Variants in TOX3 observed in about 807,000 individuals in gnomAD.
TOX3 encodes the protein CAG trinucleotide repeat-containing gene F9 protein.
TOX3 carries 22 observed loss-of-function variants against 64.3 expected under a neutral mutation model. The observed-to-expected ratio is 0.34, with a 90% CI of 0.24 to 0.49. The LOEUF (loss-of-function observed/expected upper bound fraction) is 0.49, where lower values mean the gene tolerates loss of function less well. Among genes scored for constraint, TOX3 ranks in the 20% least tolerant of loss-of-function variants. TOX3 has a pLI of 0.99. For synonymous variants in TOX3, 291 were observed against 273.6 expected (o/e 1.06, Z -0.63); for missense variants, 661 against 714.4 (o/e 0.93, Z 0.85).
chr16:52,529,490 A>C (rs1199233225), intron 1 of TOX3, among the ~76,000 whole-genome samples: 2 of 152,228 alleles, frequency 1.3e-5, no homozygotes, highest in Non-Finnish European at 2.9e-5. Context: ...CTACAAAGGA[A>C]GTGAGGTGAC....
chr16:52,510,692 G>T (rs1367365426), intron 1 of TOX3, among the ~76,000 whole-genome samples: 1 of 147,254 alleles, frequency 6.8e-6, no homozygotes, highest in Non-Finnish European at 1.5e-5. Flanking sequence ...GGAGGTGGAG[G>T]TTGCAGTGAG....
At chr16:52,471,919 C>T (rs750253354) in intron 1 of TOX3, among the ~76,000 whole-genome samples, 3 of 152,184 alleles carry the variant, frequency 2.0e-5, no homozygotes, top group Non-Finnish European at 4.4e-5. Context: ...GGAAGTCTAG[C>T]CTCCTCCCTA....
At chr16:52,526,687 C>A (rs1188093529) in intron 1 of TOX3, among the ~76,000 whole-genome samples, 1 of 152,104 alleles carries the variant, frequency 6.6e-6, no homozygotes, top group Non-Finnish European at 1.5e-5. Context: ...TTGGGAATTC[C>A]AGGCGTAGTA....
rs1302770392 is a variant in TOX3, at chr16:52,439,567, TTGC to T, written c.1386_1388del (p.Gln463del). On this transcript the variant is annotated inframe_deletion, in exon 7 of 7. Coordinates refer to ENST00000219746, the MANE Select transcript of TOX3 (RefSeq NM_001080430.4). ...GCTGATGCATTTGGTGCTGCTGGAG[TTGC>T]TGCTGCTGCATCTGTTGCATCTGTT... 16 of 1,545,004 alleles carry T rather than the reference TTGC, an allele frequency of 1.0e-5. 1 individual carries two copies. The Admixed American group carries it at 2.9e-4, about 28-fold the overall frequency.
chr16:52,547,186 G>A (rs1195136067), upstream of TOX3, among the ~76,000 whole-genome samples: 1 of 121,212 alleles, frequency 8.3e-6, no homozygotes, highest in African/African-American at 3.1e-5. Context: ...TCCTGCCTCA[G>A]CCGCCGGTCC....
intron 1 of TOX3, among the ~76,000 whole-genome samples, chr16:52,507,258 G>T (rs904925994): frequency 2.6e-5 from 4 of 152,142 alleles, no homozygotes; most frequent in African/African-American, 9.7e-5. Context: ...CTGTGTAAAA[G>T]AAATTATCAA....
Position 52,546,521 on chromosome 16 carries a change from G to C in TOX3, c.87+116C>G, listed in dbSNP as rs1337793347. 10 of 900,668 alleles carry C rather than the reference G, an allele frequency of 1.1e-5. No homozygotes were observed. The Admixed American group carries it at 1.8e-4, about 16-fold the overall frequency. 55.8% of individuals were successfully genotyped at this position (900,668 alleles called of 1,614,324 possible). On this transcript the variant is annotated intron_variant, in intron 1 of 6. Transcript: ENST00000219746. ...GAGACGAAGGCTCAAAGGTAGAAGAGACATGGGAGGAAAGAGGCCAAAGAA... is the reference window on the plus strand; with the variant it reads ...GAGACGAAGGCTCAAAGGTAGAAGACACATGGGAGGAAAGAGGCCAAAGAA...
At chr16:52,546,612 C>A in intron 1 of TOX3, 25 bp downstream of exon 1, 1 of 1,531,090 alleles carries the variant, frequency 6.5e-7, no homozygotes, top group Non-Finnish European at 8.8e-7. Context: ...CCCCGCCCCC[C>A]GGCCCACCGG....
At chr16:52,498,815 A>C (rs866002125) in intron 1 of TOX3, among the ~76,000 whole-genome samples, 2 of 152,350 alleles carry the variant, frequency 1.3e-5, no homozygotes, top group Middle Eastern at 3.4e-3. Flanking sequence ...AAGGCCTCCG[A>C]GTGTGCGAAC....
At chr16:52,440,039 A>G in intron 6 of TOX3, 71 bp from the exon 7 acceptor site, 2 of 1,266,438 alleles carry the variant, frequency 1.6e-6, no homozygotes, top group Non-Finnish European at 2.1e-6. Flanking sequence ...GCATTTTTAG[A>G]TATTATAAAT....
At chr16:52,447,675 CAT>C (rs1960202494) in intron 4 of TOX3, among the ~76,000 whole-genome samples, 1 of 152,144 alleles carries the variant, frequency 6.6e-6, no homozygotes, top group Non-Finnish European at 1.5e-5. Context: ...CTCTAGAGCC[CAT>C]AGTCTTTTTT....
At chr16:52,531,108 A>T (rs1360007591) in intron 1 of TOX3, among the ~76,000 whole-genome samples, 1 of 152,248 alleles carries the variant, frequency 6.6e-6, no homozygotes, top group African/African-American at 2.4e-5. Flanking sequence ...CGTTAGCCAA[A>T]GCCAGGATTG....
intron 3 of TOX3, among the ~76,000 whole-genome samples, chr16:52,456,444 C>T (rs1369492120): frequency 2.0e-5 from 3 of 152,174 alleles, no homozygotes; most frequent in Non-Finnish European, 4.4e-5. Context: ...TGCCTTCTAT[C>T]TATTGGCCTA....
intron 1 of TOX3, among the ~76,000 whole-genome samples, chr16:52,484,356 A>C (rs1167222281): frequency 6.6e-6 from 1 of 152,204 alleles, no homozygotes; most frequent in African/African-American, 2.4e-5. Flanking sequence ...ATCCAGTTTG[A>C]CAGAATTCTT....
chr16:52,547,562 G>A (rs1209818969), upstream of TOX3: 2 of 151,642 alleles, frequency 1.3e-5, no homozygotes, highest in African/African-American at 2.4e-5. Flanking sequence ...TCCTCCCCAT[G>A]ACCCCCTTCC....
chr16:52,538,310 C>T (rs1312886200), intron 1 of TOX3, among the ~76,000 whole-genome samples: 1 of 152,138 alleles, frequency 6.6e-6, no homozygotes, highest in Non-Finnish European at 1.5e-5. Flanking sequence ...GTCAGGTCAG[C>T]ATTTTGAACT....
intron 1 of TOX3, among the ~76,000 whole-genome samples, chr16:52,493,484 G>A (rs1961755753): frequency 6.6e-6 from 1 of 152,122 alleles, no homozygotes; most frequent in African/African-American, 2.4e-5. Context: ...GTGATGCAAA[G>A]CAATAAGGTA....
intron 1 of TOX3, among the ~76,000 whole-genome samples, chr16:52,518,874 A>G (rs1407448220): frequency 2.6e-5 from 4 of 152,236 alleles, no homozygotes; most frequent in African/African-American, 9.6e-5. Flanking sequence ...TCTGATTTGA[A>G]TCGTATTTCA....
intron 1 of TOX3, among the ~76,000 whole-genome samples, chr16:52,526,646 G>C (rs1339217386): frequency 3.3e-5 from 5 of 152,132 alleles, no homozygotes; most frequent in African/African-American, 1.2e-4. Flanking sequence ...CCAGAGAGGG[G>C]ACATTGTTGT....
Sources: gnomAD v4.1 joint callset for allele counts (sites outside exome capture counted in the v4.1 genomes callset) on GRCh38, gnomAD v4.1.1 for gene constraint, MANE v1.5 for transcripts, NCBI Gene and HGNC (gene_info 2026-07-23, HGNC 2026-07-21) for gene names.